DSG4: variants seen among roughly 807,000 people sequenced by gnomAD.
DSG4 encodes desmoglein 4.
A neutral mutation model predicts 93.1 loss-of-function variants in DSG4; 87 were observed. The ratio of observed to expected loss-of-function variants is 0.93; its 90% CI spans 0.79 to 1.12. The LOEUF (loss-of-function observed/expected upper bound fraction) is 1.12. Ranked by LOEUF, DSG4 falls within the 50% of genes most tolerant of loss-of-function variation. The pLI, the probability that DSG4 is intolerant of heterozygous loss-of-function variation, is 0.00. For synonymous variants in DSG4, 432 were observed against 452.9 expected (o/e 0.95, Z 0.59); for missense variants, 1,373 against 1,285.7 (o/e 1.07, Z -1.04).
At chr18:31,394,865 C>G (rs906740234) in intron 8 of DSG4, among the ~76,000 whole-genome samples, 2 of 152,062 alleles carry the variant, frequency 1.3e-5, no homozygotes, top group African/African-American at 4.8e-5. Flanking sequence ...ACATAACATG[C>G]AATTCTTACC....
chr18:31,381,498 C>A (rs1486111423), intron 1 of DSG4, among the ~76,000 whole-genome samples: 5 of 152,162 alleles, frequency 3.3e-5, no homozygotes, highest in African/African-American at 9.7e-5. Context: ...CCCTTTGGAC[C>A]AATGACCAAC....
intron 1 of DSG4, among the ~76,000 whole-genome samples, chr18:31,380,989 A>G (rs2072127801): frequency 6.6e-6 from 1 of 152,238 alleles, no homozygotes; most frequent in African/African-American, 2.4e-5. Context: ...TCTAAAAGTT[A>G]GATGACAATA....
chr18:31,380,290 A>G (rs2072120255), intron 1 of DSG4, among the ~76,000 whole-genome samples: 1 of 152,012 alleles, frequency 6.6e-6, no homozygotes, highest in Non-Finnish European at 1.5e-5. Context: ...TTTGTTGGGG[A>G]CAGAGCTTCT....
intron 10 of DSG4, among the ~76,000 whole-genome samples, chr18:31,402,418 T>G (rs1439852514): frequency 6.6e-6 from 1 of 152,188 alleles, no homozygotes; most frequent in Admixed American, 6.6e-5. Flanking sequence ...AATAATCTGA[T>G]GCCTCTCGAA....
At chr18:31,399,980 C>T (rs1014123714) in intron 9 of DSG4, among the ~76,000 whole-genome samples, 7 of 152,062 alleles carry the variant, frequency 4.6e-5, no homozygotes, top group Non-Finnish European at 4.4e-5. Context: ...AGAGAAAAAC[C>T]ACAATCATAG....
chr18:31,391,243 A>G (rs753183587), intron 7 of DSG4, 31 bp downstream of exon 7: 4 of 1,612,390 alleles, frequency 2.5e-6, no homozygotes, highest in Admixed American at 3.3e-5. Context: ...TCCTTTTTCC[A>G]TAAGTGTCAA....
rs369125321 is a variant in DSG4, at chr18:31,399,449, C to A, written c.1183C>A (p.Arg395=). The A allele has an allele frequency of 1.2e-6, 2 of 1,613,912 alleles. No individual in the cohort carries two copies. The highest frequency in any genetic ancestry group is 1.3e-5 in the African/African-American group (1 of 74,990). The stretch of plus-strand genomic sequence containing the variant: ...TCCAAGTACTATGGCTTTTAGTGTG[C>A]GGGAAGGAATAAAAGGAAGTTCCTT... ...FHPSTMAFSV[R]EGIKGSSLLN... is the part of the protein sequence containing the mutation. The change falls in exon 9 of 16, where the codon CGG becomes AGG. Residue 395 remains arginine, a synonymous_variant. Transcript: ENST00000308128.
chr18:31,411,469 CAT>C, intron 15 of DSG4, 21 bp downstream of exon 15: 1 of 1,610,978 alleles, frequency 6.2e-7, no homozygotes, highest in Non-Finnish European at 8.5e-7. Flanking sequence ...CACAGTCACA[CAT>C]AAAATCGTCT....
At chr18:31,390,600 T>G (rs2072236733) in intron 5 of DSG4, 56 bp from the exon 6 acceptor site, 1 of 1,604,506 alleles carries the variant, frequency 6.2e-7, no homozygotes, top group African/African-American at 1.3e-5. Flanking sequence ...GCCTAATGAT[T>G]TGCTGAATTT....
intron 1 of DSG4, 43 bp downstream of exon 1, chr18:31,377,002 G>GTCTCTGTCTTGTCTT (rs1374432775): frequency 6.2e-7 from 1 of 1,600,260 alleles, no homozygotes; most frequent in African/African-American, 1.3e-5. Context: ...GCAGCCTCAA[G>GTCTCTGTCTTGTCTT]GTCTTGTCTC....
In DSG4 at chr18:31,413,089, C is replaced by T; in HGVS notation, c.2617C>T (p.Pro873Ser). Reference protein sequence around the residue: ...PISTDLPLLGPNYFVNESSGL... With the variant: ...PISTDLPLLGSNYFVNESSGL... The stretch of plus-strand genomic sequence containing the variant: ...CAGTACTGACCTCCCTTTGCTCGGA[C>T]CTAATTACTTTGTTAATGAATCTTC... The change falls in exon 16 of 16, where the codon CCT becomes TCT. Residue 873 changes from proline (P) to serine (S), a missense_variant. Physicochemically the swap from Pro to Ser is moderately conservative, Grantham distance 74. Coordinates refer to ENST00000308128, the MANE Select transcript of DSG4 (RefSeq NM_177986.5). 2 of 1,614,138 alleles carry T rather than the reference C, an allele frequency of 1.2e-6. No homozygotes were observed. The highest frequency in any genetic ancestry group is 1.7e-6 in the Non-Finnish European group (2 of 1,180,024).
intron 5 of DSG4, 41 bp downstream of exon 5, chr18:31,389,059 T>C (rs1331756047): frequency 6.2e-7 from 1 of 1,607,498 alleles, no homozygotes; most frequent in Non-Finnish European, 8.5e-7. Context: ...ACAGCATATC[T>C]ACTTCTCTTG....
At chr18:31,401,430 G>A (rs1374216359) in intron 10 of DSG4, 2 of 156,054 alleles carry the variant, frequency 1.3e-5, no homozygotes, top group South Asian at 1.9e-4. Flanking sequence ...AATTATTTTA[G>A]ATCCATTAAA....
chr18:31,396,589 C>T (rs1280444539), intron 8 of DSG4, among the ~76,000 whole-genome samples: 1 of 152,052 alleles, frequency 6.6e-6, no homozygotes, highest in Admixed American at 6.6e-5. Flanking sequence ...CTCCTGACCT[C>T]AAGTGATCTG....
Position 31,406,335 on chromosome 18 carries a change from G to A in DSG4, c.1895G>A (p.Gly632Glu). The change falls in exon 12 of 16, where the codon GGG becomes GAG. Residue 632 changes from glycine to glutamate, a missense_variant. Gly to Glu is a moderately conservative substitution (Grantham distance 98). Coordinates refer to ENST00000308128, the MANE Select transcript of DSG4 (RefSeq NM_177986.5). ...TCAAATGTTGGTCTTGGACCAGCAG[G>A]GATTGGCATGATGGTTCTGGGCATC... ...GVSNVGLGPA[G>E]IGMMVLGILL... 1.2e-6 allele frequency: 2 copies of A among 1,614,186 alleles called. 1 individual carries two copies.
intron 7 of DSG4, among the ~76,000 whole-genome samples, chr18:31,391,900 A>C (rs2072253974): frequency 6.6e-6 from 1 of 152,084 alleles, no homozygotes; most frequent in Non-Finnish European, 1.5e-5. Flanking sequence ...AATAAGCAAA[A>C]ATAAATAAAT....
chr18:31,399,494 A>C lies in DSG4; in HGVS notation c.1228A>C (p.Thr410Pro). The C allele has an allele frequency of 6.2e-7, 1 of 1,614,106 alleles. No homozygotes were observed. Among genetic ancestry groups the C allele is most frequent in the Non-Finnish European group, 8.5e-7 (1 of 1,179,950 alleles). Residue 410 changes from threonine to proline, a missense_variant, in exon 9 of 16, where the codon ACA becomes CCA. By Grantham distance (38) the Thr-to-Pro change is conservative (BLOSUM62 -1). Transcript: ENST00000308128. Reference sequence around the variant, plus strand: ...TTCCTTATTGAATTATGTGCTTGGCACATATACAGCCATAGATTTGGACAC... The same window carrying C: ...TTCCTTATTGAATTATGTGCTTGGCCCATATACAGCCATAGATTTGGACAC... ...GSSLLNYVLG[T>P]YTAIDLDTGN... is the part of the protein sequence containing the mutation.
At position 31,409,502 on chromosome 18, in the gene DSG4, G is replaced by C. The variant is rs775548243; in HGVS notation, c.1984G>C (p.Gly662Arg). The C allele has an allele frequency of 6.2e-7, 1 of 1,614,190 alleles. No individual in the cohort carries two copies. Among genetic ancestry groups the C allele is most frequent in the Non-Finnish European group, 8.5e-7 (1 of 1,180,042 alleles). ...LCCCKQRQPE[G>R]LGTRFAPVPE... ...TTGCTGCAAACAGAGACAGCCAGAA[G>C]GCCTGGGAACAAGATTTGCTCCTGT... Residue 662 changes from glycine to arginine, a missense_variant, in exon 13 of 16, where the codon GGC becomes CGC. Coordinates refer to ENST00000308128, the MANE Select transcript of DSG4 (RefSeq NM_177986.5).
rs778317241 is a variant in DSG4 at position 31,388,368 on chromosome 18, T to A, written c.218T>A (p.Ile73Asn). 3 of 1,613,022 alleles carry A rather than the reference T, an allele frequency of 1.9e-6. No homozygotes were observed. Among genetic ancestry groups the A allele is most frequent in the South Asian group, 1.1e-5 (1 of 91,060 alleles). Reference sequence around the variant, plus strand: ...CAATCCTAGCTATTTTTCTTATAGATTCGATCAGACTGCGAATCGAACCAG... The same window carrying A: ...CAATCCTAGCTATTTTTCTTATAGAATCGATCAGACTGCGAATCGAACCAG... ...DNSKRNPIAK[I>N]RSDCESNQKI... Residue 73 changes from isoleucine to asparagine, a missense_variant and splice_region_variant, in exon 4 of 16, where the codon ATT becomes AAT. Transcript: ENST00000308128.
Sources: allele counts gnomAD v4.1 joint callset (sites outside exome capture counted in the v4.1 genomes callset), GRCh38; gene constraint gnomAD v4.1.1; transcripts MANE v1.5; gene names NCBI Gene and HGNC (gene_info 2026-07-23, HGNC 2026-07-21).